The following INO80 variants were observed in gnomAD, a reference collection of about 807,000 sequenced individuals.
INO80 encodes INO80 complex ATPase subunit.
A neutral mutation model predicts 203.4 loss-of-function variants in INO80; 20 were observed. That is an observed-to-expected ratio of 0.10 (90% CI 0.07 to 0.14). The LOEUF (loss-of-function observed/expected upper bound fraction) is 0.14, where lower values mean the gene tolerates loss of function less well. INO80 is among the 10% of genes least tolerant of loss of function. INO80 has a pLI of 1.00. For missense variants in INO80, 1,419 were observed against 1,914.4 expected (o/e 0.74, Z 4.83); for synonymous variants, 726 against 685.2 (o/e 1.06, Z -0.93).
At chr15:41,106,319 G>C (rs1321111271) in intron 1 of INO80, among the ~76,000 whole-genome samples, 1 of 151,348 alleles carries the variant, frequency 6.6e-6, no homozygotes, top group African/African-American at 2.4e-5. Flanking sequence ...AAGAGACAGA[G>C]GTTGCTGCGG....
chr15:41,103,525 G>C (rs1360579002), intron 1 of INO80, among the ~76,000 whole-genome samples: 1 of 152,182 alleles, frequency 6.6e-6, no homozygotes, highest in Non-Finnish European at 1.5e-5. Flanking sequence ...AGGTAGCTGG[G>C]ATTAGAGGCG....
At chr15:40,997,003 G>A (rs2043889793) in intron 29 of INO80, among the ~76,000 whole-genome samples, 1 of 152,162 alleles carries the variant, frequency 6.6e-6, no homozygotes, top group Non-Finnish European at 1.5e-5. Context: ...CAGGCGAGGT[G>A]CAGTGGCTCA....
chr15:40,981,419 TG>T lies in INO80; in HGVS notation c.4454-980del, dbSNP rs1465479874. Among the ~76,000 whole-genome samples the T allele has an allele frequency of 2.0e-5, 3 of 152,322 alleles. No individual in the cohort carries two copies. The East Asian group carries it at 5.8e-4, about 29-fold the overall frequency. On this transcript the variant is annotated intron_variant, in intron 35 of 35. Transcript: ENST00000648947. ...GCATGACTGTTGTTTTCCAAGGATGTGGTAAGTTGGCAAAGGGCTAAGAAAC... is the reference window on the plus strand; with the variant it reads ...GCATGACTGTTGTTTTCCAAGGATGTGTAAGTTGGCAAAGGGCTAAGAAAC...
intron 1 of INO80, among the ~76,000 whole-genome samples, chr15:41,107,921 G>T (rs2045904614): frequency 6.6e-6 from 1 of 151,654 alleles, no homozygotes; most frequent in Non-Finnish European, 1.5e-5. Flanking sequence ...CCAACACAGT[G>T]AAACCCCATC....
chr15:41,095,070 G>A (rs185858493), intron 4 of INO80, among the ~76,000 whole-genome samples: 2 of 152,170 alleles, frequency 1.3e-5, no homozygotes, highest in African/African-American at 4.8e-5. Context: ...TGGGTGCGGT[G>A]GCTCACGCCT....
chr15:40,982,870 A>T lies in INO80; in HGVS notation c.4445T>A (p.Val1482Glu). 6.2e-7 allele frequency: 1 copy of T among 1,612,462 alleles called. No individual in the cohort carries two copies. The highest frequency in any genetic ancestry group is 8.5e-7 in the Non-Finnish European group (1 of 1,179,544). ...ACCCTGGGCTTCTGTACCTTTAGAC[A>T]CGTTGTACCCGTATGCGGCATAGGC... is the stretch of plus-strand genomic sequence containing the variant. ...AAAYAAYGYNVSKGISASSPL... is the reference protein window; with the variant it reads ...AAAYAAYGYNESKGISASSPL... The change falls in exon 35 of 36, where the codon GTG becomes GAG. Residue 1482 changes from valine (V) to glutamate (E), a missense_variant. By Grantham distance (121) the Val-to-Glu change is moderately radical. This residue lies in a region of INO80 where 112 missense variants were observed against 106.2 expected (regional missense o/e 1.05). Transcript: ENST00000648947.
In INO80 at chr15:41,099,290, A is replaced by C. The variant is rs1428044267; in HGVS notation, c.-43-2937T>G. 4.1e-5 allele frequency among the ~76,000 whole-genome samples: 6 copies of C among 146,440 alleles called. No homozygotes were observed. In the South Asian group the frequency reaches 1.3e-3, roughly 32 times the overall value. ...AAACAAACACACACACACACACACAACAAGAGAGTGAGAGAGAGGGAAAGA... is the reference window on the plus strand; with the variant it reads ...AAACAAACACACACACACACACACACCAAGAGAGTGAGAGAGAGGGAAAGA... On this transcript the variant is annotated intron_variant, in intron 1 of 35. Coordinates refer to ENST00000648947, the MANE Select transcript of INO80 (RefSeq NM_017553.3).
At chr15:41,114,006 CG>C (rs1363453250) in intron 1 of INO80, among the ~76,000 whole-genome samples, 1 of 152,148 alleles carries the variant, frequency 6.6e-6, no homozygotes, top group Non-Finnish European at 1.5e-5. Context: ...CGGTGGCTCA[CG>C]CCTGTAATCT....
In INO80 at chr15:41,027,861, C is replaced by A; in HGVS notation, c.2908-125G>T. On this transcript the variant is annotated intron_variant, in intron 24 of 35. Transcript: ENST00000648947. ...TTCTTCCCTGTAAATACTATTAATT[C>A]TAATAAACAACCACTAATTAGAACC... 4.7e-6 allele frequency: 3 copies of A among 636,210 alleles called. No individual in the cohort carries two copies. In the South Asian group the frequency reaches 7.7e-5, roughly 16 times the overall value. 39.4% of individuals were successfully genotyped at this position (636,210 alleles called of 1,614,324 possible).
chr15:41,079,740 T>C lies in INO80; in HGVS notation c.1092A>G (p.Glu364=), dbSNP rs754837516. Residue 364 remains glutamate (E), a synonymous_variant, in exon 9 of 36, where the codon GAA becomes GAG. Transcript: ENST00000648947. ...CATCCAACTTCCGCTGCTCCAAAGC[T>C]TCCTTCTCTGCTCTCTTGCGGTGCT... is the stretch of plus-strand genomic sequence containing the variant. ...EKEHRKRAEK[E]ALEQRKLDEE... 1 of 1,614,202 alleles carries C rather than the reference T, an allele frequency of 6.2e-7. No homozygotes were observed. Among genetic ancestry groups the C allele is most frequent in the East Asian group, 2.2e-5 (1 of 44,890 alleles).
At chr15:41,038,567 A>T (rs1406959440) in intron 24 of INO80, among the ~76,000 whole-genome samples, 3 of 152,136 alleles carry the variant, frequency 2.0e-5, no homozygotes, top group Admixed American at 2.0e-4. Context: ...TTGATATGGA[A>T]CTTAAGATTC....
chr15:41,104,303 A>G (rs565675528), intron 1 of INO80, among the ~76,000 whole-genome samples: 15 of 152,146 alleles, frequency 9.9e-5, no homozygotes, highest in African/African-American at 3.4e-4. Context: ...GAACTATTCA[A>G]TATGTTTTTG....
chr15:40,998,845 A>G (rs1418537173), intron 28 of INO80, among the ~76,000 whole-genome samples: 1 of 152,032 alleles, frequency 6.6e-6, no homozygotes, highest in Admixed American at 6.6e-5. Context: ...TATTTTTAGT[A>G]GAGATGGGAT....
At chr15:41,056,117 G>T (rs764518298) in intron 17 of INO80, among the ~76,000 whole-genome samples, 39 of 151,176 alleles carry the variant, frequency 2.6e-4, no homozygotes, top group African/African-American at 4.6e-4. Context: ...CTAATTTTTT[G>T]ATTTTTTTTG....
intron 27 of INO80, among the ~76,000 whole-genome samples, chr15:41,014,466 T>C (rs954027630): frequency 6.6e-6 from 1 of 152,198 alleles, no homozygotes; most frequent in African/African-American, 2.4e-5. Context: ...ACACTAGACA[T>C]GCAGGCAGTC....
intron 9 of INO80, among the ~76,000 whole-genome samples, chr15:41,077,607 G>A (rs2045425725): frequency 6.6e-6 from 1 of 152,082 alleles, no homozygotes; most frequent in Admixed American, 6.6e-5. Flanking sequence ...TGTCACCCAG[G>A]CTGGAGGCAG....
At chr15:41,019,235 T>C (rs971258103) in intron 26 of INO80, among the ~76,000 whole-genome samples, 1 of 152,092 alleles carries the variant, frequency 6.6e-6, no homozygotes, top group African/African-American at 2.4e-5. Context: ...AAGCAACCCT[T>C]CTCAGGGAAA....
intron 28 of INO80, among the ~76,000 whole-genome samples, chr15:41,003,113 C>CT (rs1566906479): frequency 1.4e-5 from 2 of 147,346 alleles, no homozygotes; most frequent in Admixed American, 1.4e-4. Context: ...GAGCGAGACT[C>CT]TGTCTCAGAA....
At position 41,029,700 on chromosome 15, in the gene INO80, C is replaced by A. The variant is rs78433592; in HGVS notation, c.2908-1964G>T. On this transcript the variant is annotated intron_variant, in intron 24 of 35. Coordinates refer to ENST00000648947, the MANE Select transcript of INO80 (RefSeq NM_017553.3). ...TTCATTATCTCTCTACATGTTTATGCCCATTATCACTTGAATGTCTAACAT... is the reference window on the plus strand; with the variant it reads ...TTCATTATCTCTCTACATGTTTATGACCATTATCACTTGAATGTCTAACAT... Among the ~76,000 whole-genome samples, 311 of 152,286 alleles carry A rather than the reference C, an allele frequency of 2.0e-3. 1 individual carries two copies. The highest frequency in any genetic ancestry group is 3.3e-3 in the Non-Finnish European group (225 of 68,028).
Sources: allele counts gnomAD v4.1 joint callset (sites outside exome capture counted in the v4.1 genomes callset), GRCh38; gene constraint gnomAD v4.1.1; regional missense constraint gnomAD v4.1.1; transcripts MANE v1.5; gene names NCBI Gene and HGNC (gene_info 2026-07-23, HGNC 2026-07-21).